TNNI3K: variants seen among roughly 807,000 people sequenced by gnomAD.
TNNI3K encodes serine/threonine-protein kinase TNNI3K.
TNNI3K carries 140 observed loss-of-function variants against 114.5 expected under a neutral mutation model. That is an observed-to-expected ratio of 1.22 (90% CI 1.07 to 1.41). The LOEUF is 1.41. Ranked by LOEUF, TNNI3K falls within the 40% of genes most tolerant of loss-of-function variation. The pLI is 0.00. For missense variants in TNNI3K, 1,125 were observed against 1,007.6 expected, an observed-to-expected ratio of 1.12 and a Z score of -1.58; for synonymous variants, 347 against 347.5, an observed-to-expected ratio of 1.00 and a Z score of 0.02.
intron 17 of TNNI3K, among the ~76,000 whole-genome samples, chr1:74,381,249 A>AT (rs1440233637): frequency 1.3e-5 from 2 of 152,140 alleles, no homozygotes; most frequent in Non-Finnish European, 2.9e-5. Context: ...CAGACTAAGC[A>AT]TGTTCACATC....
In TNNI3K at chr1:74,247,011, G is replaced by A. The variant is rs531442524; in HGVS notation, c.150-2448G>A. Among the ~76,000 whole-genome samples, 7 of 152,280 alleles carry A rather than the reference G, an allele frequency of 4.6e-5. No homozygotes were observed. The South Asian group carries it at 1.5e-3, about 32-fold the overall frequency. On this transcript the variant is annotated intron_variant, in intron 2 of 24. Coordinates refer to ENST00000326637, the MANE Select transcript of TNNI3K (RefSeq NM_015978.3). Reference sequence around the variant, plus strand: ...TTCAATTTCTTCAATTATAAAATGAGTAAAATAATATATGTGACAATATGC... The same window carrying A: ...TTCAATTTCTTCAATTATAAAATGAATAAAATAATATATGTGACAATATGC...
intron 5 of TNNI3K, among the ~76,000 whole-genome samples, chr1:74,293,769 T>G (rs1657813754): frequency 6.6e-6 from 1 of 151,778 alleles, no homozygotes; most frequent in Non-Finnish European, 1.5e-5. Flanking sequence ...ATTTTAGGGA[T>G]AAAATTATAT....
intron 11 of TNNI3K, among the ~76,000 whole-genome samples, chr1:74,354,388 A>G (rs1242856079): frequency 1.3e-5 from 2 of 152,160 alleles, no homozygotes; most frequent in East Asian, 3.9e-4. Flanking sequence ...TCTAAGTACC[A>G]GAGAAACAAA....
intron 17 of TNNI3K, among the ~76,000 whole-genome samples, chr1:74,414,289 A>C (rs148236575): frequency 1.9e-3 from 286 of 152,350 alleles, no homozygotes; most frequent in African/African-American, 6.6e-3. Context: ...GTAAGAGTCT[A>C]ATAGTGTTTC....
At chr1:74,452,342 C>T (rs904875705) in intron 20 of TNNI3K, among the ~76,000 whole-genome samples, 3 of 152,182 alleles carry the variant, frequency 2.0e-5, no homozygotes, top group East Asian at 1.9e-4. Context: ...AAGTGTAATA[C>T]AAGGTCAAGG....
chr1:74,250,571 A>G (rs982742524), intron 3 of TNNI3K, 101 bp from the exon 4 acceptor site: 1 of 1,094,006 alleles, frequency 9.1e-7, no homozygotes, highest in Non-Finnish European at 1.2e-6. Context: ...GCAGCTTGAC[A>G]TTTTTATACA....
chr1:74,238,902 A>G (rs1654024113), intron 2 of TNNI3K, among the ~76,000 whole-genome samples: 1 of 152,094 alleles, frequency 6.6e-6, no homozygotes. Flanking sequence ...TTTCGATTCC[A>G]TGACTCCACC....
At chr1:74,408,969 A>G (rs1430177695) in intron 17 of TNNI3K, among the ~76,000 whole-genome samples, 1 of 150,862 alleles carries the variant, frequency 6.6e-6, no homozygotes, top group Non-Finnish European at 1.5e-5. Flanking sequence ...GAAAGATGAC[A>G]CTCATCTAAT....
At chr1:74,433,430 A>C (rs930444737) in intron 17 of TNNI3K, among the ~76,000 whole-genome samples, 1 of 152,076 alleles carries the variant, frequency 6.6e-6, no homozygotes, top group African/African-American at 2.4e-5. Flanking sequence ...AAATGGAAAA[A>C]ATGTGTGAAA....
intron 17 of TNNI3K, among the ~76,000 whole-genome samples, chr1:74,378,237 G>T (rs1396725861): frequency 6.6e-6 from 1 of 151,828 alleles, no homozygotes; most frequent in Non-Finnish European, 1.5e-5. Context: ...ACTGCAATCA[G>T]ATTCAATTTT....
intron 11 of TNNI3K, among the ~76,000 whole-genome samples, chr1:74,364,632 G>GGTT (rs1186956137): frequency 2.0e-5 from 3 of 151,858 alleles, no homozygotes; most frequent in Non-Finnish European, 1.5e-5. Context: ...GAAGAATCAA[G>GGTT]GTTGTTATTT....
intron 5 of TNNI3K, among the ~76,000 whole-genome samples, chr1:74,280,552 G>T (rs1196769984): frequency 6.6e-6 from 1 of 152,106 alleles, no homozygotes; most frequent in Non-Finnish European, 1.5e-5. Context: ...GTCAGACTTT[G>T]CATTGGAACT....
intron 11 of TNNI3K, among the ~76,000 whole-genome samples, chr1:74,361,669 G>T (rs1429749878): frequency 1.3e-5 from 2 of 151,974 alleles, no homozygotes; most frequent in African/African-American, 4.8e-5. Context: ...TAAGTACTAT[G>T]AATAAAATAA....
intron 21 of TNNI3K, among the ~76,000 whole-genome samples, chr1:74,466,325 A>G (rs1557583806): frequency 6.6e-6 from 1 of 152,194 alleles, no homozygotes; most frequent in Non-Finnish European, 1.5e-5. Flanking sequence ...ATAATTATAG[A>G]TAACAGGCAT....
intron 21 of TNNI3K, chr1:74,475,318 T>G: frequency 1.4e-6 from 1 of 696,708 alleles, no homozygotes; most frequent in Non-Finnish European, 2.7e-6. Context: ...TATATGGTGT[T>G]GCAGAGTTTG....
chr1:74,450,357 A>G lies in TNNI3K; in HGVS notation c.2011+10735A>G, dbSNP rs565866126. On this transcript the variant is annotated intron_variant, in intron 20 of 24. Transcript: ENST00000326637. Reference sequence around the variant, plus strand: ...CACAATGAAAAGAACTAGAAAAGCAAGAGCAAACACATTCAAAAGCTAGCA... The same window carrying G: ...CACAATGAAAAGAACTAGAAAAGCAGGAGCAAACACATTCAAAAGCTAGCA... 6.8e-3 allele frequency among the ~76,000 whole-genome samples: 1,030 copies of G among 152,136 alleles called. 14 individuals carry two copies. Among genetic ancestry groups the G allele is most frequent in the African/African-American group, 0.023 (964 of 41,506 alleles).
chr1:74,336,144 C>A lies in TNNI3K; in HGVS notation c.677C>A (p.Ala226Glu). 3 of 1,600,434 alleles carry A rather than the reference C, an allele frequency of 1.9e-6. No individual in the cohort carries two copies. Among genetic ancestry groups the A allele is most frequent in the South Asian group, 1.1e-5 (1 of 88,054 alleles). The change falls in exon 7 of 25, where the codon GCA becomes GAA. Residue 226 changes from alanine to glutamate, a missense_variant. Coordinates refer to ENST00000326637, the MANE Select transcript of TNNI3K (RefSeq NM_015978.3). ...AKLLMEEGSK[A>E]DVNAQDNEDH... ...CTCTTGATGGAAGAAGGCAGCAAAGCAGATGGTAAGATTATATATTTAAAA... is the reference window on the plus strand; with the variant it reads ...CTCTTGATGGAAGAAGGCAGCAAAGAAGATGGTAAGATTATATATTTAAAA...
chr1:74,400,330 GA>G (rs1166099065), intron 17 of TNNI3K, among the ~76,000 whole-genome samples: 1 of 152,132 alleles, frequency 6.6e-6, no homozygotes, highest in Admixed American at 6.5e-5. Flanking sequence ...GACCCTAAGA[GA>G]GTAGAAATAA....
intron 5 of TNNI3K, among the ~76,000 whole-genome samples, chr1:74,288,366 C>T (rs546825085): frequency 6.6e-6 from 1 of 152,170 alleles, no homozygotes; most frequent in African/African-American, 2.4e-5. Flanking sequence ...AAGTGTCCAT[C>T]TATTTATGAA....
Sources: gnomAD v4.1 joint callset for allele counts (sites outside exome capture counted in the v4.1 genomes callset) on GRCh38, gnomAD v4.1.1 for gene constraint, MANE v1.5 for transcripts, NCBI Gene and HGNC (gene_info 2026-07-23, HGNC 2026-07-21) for gene names.